The following XIRP2 variants were observed in gnomAD, a reference collection of about 807,000 sequenced individuals.
XIRP2 encodes xin actin-binding repeat-containing protein 2.
In XIRP2, 236 loss-of-function variants were observed where a neutral mutation model predicts 277.0. That is an observed-to-expected ratio of 0.85 (90% confidence interval 0.77 to 0.95). XIRP2 has a LOEUF of 0.95. Ranked by LOEUF, XIRP2 falls within the 40% of genes least tolerant of loss-of-function variation. The pLI, the probability that XIRP2 is intolerant of heterozygous loss-of-function variation, is 0.00. For missense variants in XIRP2, 4,640 were observed against 4,157.5 expected, an observed-to-expected ratio of 1.12 and a Z score of -3.19; for synonymous variants, 1,490 against 1,416.5, an observed-to-expected ratio of 1.05 and a Z score of -1.17.
At chr2:166,937,538 A>T (rs898141408) in intron 2 of XIRP2, among the ~76,000 whole-genome samples, 4 of 152,012 alleles carry the variant, frequency 2.6e-5, no homozygotes, top group Non-Finnish European at 4.4e-5. Flanking sequence ...TTCCTCAGGG[A>T]TATTGGTCTA....
chr2:167,215,892 C>T (rs1302575454), intron 4 of XIRP2, among the ~76,000 whole-genome samples: 1 of 152,188 alleles, frequency 6.6e-6, no homozygotes, highest in Non-Finnish European at 1.5e-5. Context: ...CACAGGACTA[C>T]TCAGGTGCTT....
At chr2:166,895,224 C>T (rs1174412594) in intron 1 of XIRP2, among the ~76,000 whole-genome samples, 1 of 152,164 alleles carries the variant, frequency 6.6e-6, no homozygotes. Flanking sequence ...CACTGCAAAA[C>T]ATTTTTATTA....
chr2:167,240,025 C>A (rs764704163), intron 6 of XIRP2, 60 bp downstream of exon 6: 46 of 1,427,182 alleles, frequency 3.2e-5, no homozygotes, highest in Non-Finnish European at 3.8e-5. Context: ...GAAATTATGA[C>A]TTTGTTGTAA....
In XIRP2 at chr2:167,011,036, C is replaced by G. The variant is rs985227775; in HGVS notation, c.408+107146C>G. On this transcript the variant is annotated intron_variant, in intron 2 of 10. Transcript: ENST00000409195. ...CTGCAAACAGGGCCAATATGACTTC[C>G]TCTTTTCCTAATTGAATACCCTTTA... Among the ~76,000 whole-genome samples, 13 of 152,132 alleles carry G rather than the reference C, an allele frequency of 8.5e-5. No individual in the cohort carries two copies. The East Asian group carries it at 2.5e-3, about 29-fold the overall frequency.
At chr2:167,047,797 C>T (rs986650878) in intron 2 of XIRP2, among the ~76,000 whole-genome samples, 25 of 151,824 alleles carry the variant, frequency 1.6e-4, no homozygotes, top group Non-Finnish European at 2.5e-4. Flanking sequence ...ATAATTACTC[C>T]CTCAAAGCAC....
At chr2:167,165,322 T>G (rs1692492917) in intron 3 of XIRP2, among the ~76,000 whole-genome samples, 1 of 152,206 alleles carries the variant, frequency 6.6e-6, no homozygotes, top group Non-Finnish European at 1.5e-5. Flanking sequence ...ATGTAGGTAT[T>G]TATGTAGACA....
intron 2 of XIRP2, among the ~76,000 whole-genome samples, chr2:167,023,002 T>G (rs1221366647): frequency 6.6e-6 from 1 of 152,196 alleles, no homozygotes; most frequent in Non-Finnish European, 1.5e-5. Flanking sequence ...ATGGTATTTC[T>G]AGTTCTAGAT....
intron 2 of XIRP2, among the ~76,000 whole-genome samples, chr2:167,111,205 T>C (rs1404172212): frequency 1.3e-5 from 2 of 152,120 alleles, no homozygotes; most frequent in Non-Finnish European, 2.9e-5. Flanking sequence ...GGCCTTCCAA[T>C]ACTATTATGA....
At chr2:166,915,849 A>G (rs1051449426) in intron 2 of XIRP2, among the ~76,000 whole-genome samples, 3 of 152,182 alleles carry the variant, frequency 2.0e-5, no homozygotes, top group East Asian at 1.9e-4. Flanking sequence ...TACTGTTTCT[A>G]TCATTTATTT....
chr2:167,190,336 G>GT (rs1027362508), intron 3 of XIRP2, among the ~76,000 whole-genome samples: 45 of 152,058 alleles, frequency 3.0e-4, no homozygotes, highest in African/African-American at 1.1e-3. Flanking sequence ...ATCACTTATT[G>GT]TTTTTTCTGG....
At chr2:167,152,015 C>G (rs1435857624) in intron 3 of XIRP2, among the ~76,000 whole-genome samples, 1 of 152,072 alleles carries the variant, frequency 6.6e-6, no homozygotes, top group Non-Finnish European at 1.5e-5. Flanking sequence ...ATTTGTGACT[C>G]AACTTCAATA....
At chr2:166,893,671 T>G (rs1432056407) in intron 1 of XIRP2, among the ~76,000 whole-genome samples, 1 of 152,158 alleles carries the variant, frequency 6.6e-6, no homozygotes, top group Non-Finnish European at 1.5e-5. Context: ...AATTATTATT[T>G]CTGGGCACAT....
At chr2:167,188,917 C>T (rs1231480862) in intron 3 of XIRP2, among the ~76,000 whole-genome samples, 1 of 152,168 alleles carries the variant, frequency 6.6e-6, no homozygotes, top group Admixed American at 6.6e-5. Flanking sequence ...AGAGGCTTCA[C>T]TTGGGAAAAT....
chr2:167,151,590 C>G (rs10497308), intron 3 of XIRP2, among the ~76,000 whole-genome samples: 15,139 of 152,178 alleles, frequency 0.099, 817 homozygotes, highest in South Asian at 0.15. Flanking sequence ...AAAACATCCT[C>G]TATGAATTCC....
intron 2 of XIRP2, among the ~76,000 whole-genome samples, chr2:167,046,411 G>A (rs1261688501): frequency 2.0e-5 from 3 of 151,836 alleles, no homozygotes; most frequent in Non-Finnish European, 4.4e-5. Flanking sequence ...TTTTTAATAT[G>A]AAGGGATGTT....
chr2:167,037,446 C>G (rs764756971), intron 2 of XIRP2, among the ~76,000 whole-genome samples: 2 of 151,658 alleles, frequency 1.3e-5, no homozygotes, highest in Non-Finnish European at 2.9e-5. Context: ...GAAATGGCAC[C>G]AAGCCTATCT....
intron 3 of XIRP2, among the ~76,000 whole-genome samples, chr2:167,146,565 T>C (rs1487847603): frequency 1.3e-5 from 2 of 151,408 alleles, no homozygotes; most frequent in Non-Finnish European, 2.9e-5. Context: ...AGCAGAGTAA[T>C]AAATTTATGC....
chr2:167,220,319 T>A (rs1694383815), intron 5 of XIRP2, among the ~76,000 whole-genome samples: 1 of 152,212 alleles, frequency 6.6e-6, no homozygotes, highest in South Asian at 2.1e-4. Context: ...CTCCTTTATT[T>A]ATTAACTGTT....
intron 2 of XIRP2, among the ~76,000 whole-genome samples, chr2:166,954,120 G>A (rs574882017): frequency 4.6e-5 from 7 of 151,650 alleles, no homozygotes; most frequent in African/African-American, 1.7e-4. Context: ...AAGTAGTGAG[G>A]GACCACAAAA....
Sources: allele counts gnomAD v4.1 joint callset (sites outside exome capture counted in the v4.1 genomes callset), GRCh38; gene constraint gnomAD v4.1.1; transcripts MANE v1.5; gene names NCBI Gene and HGNC (gene_info 2026-07-23, HGNC 2026-07-21).